Variants in DPP10 observed in about 807,000 individuals in gnomAD.
DPP10 encodes dipeptidyl peptidase like 10.
In DPP10, 33 loss-of-function variants were observed where a neutral mutation model predicts 120.9. That is an observed-to-expected ratio of 0.27 (90% confidence interval 0.21 to 0.37). The LOEUF (loss-of-function observed/expected upper bound fraction) is 0.37, where lower values mean the gene tolerates loss of function less well. DPP10 is among the 10% of genes least tolerant of loss of function. The pLI is 1.00. For synonymous variants in DPP10, 337 were observed against 326.1 expected (o/e 1.03, Z -0.36); for missense variants, 816 against 942.8 (o/e 0.87, Z 1.76).
At chr2:115,015,545 G>A (rs752046635) in intron 1 of DPP10, among the ~76,000 whole-genome samples, 1 of 152,150 alleles carries the variant, frequency 6.6e-6, no homozygotes, top group Non-Finnish European at 1.5e-5. Context: ...CAAATAGGAA[G>A]AGAGGAGGTC....
chr2:115,563,107 C>T (rs1186665717), intron 5 of DPP10, among the ~76,000 whole-genome samples: 1 of 152,124 alleles, frequency 6.6e-6, no homozygotes, highest in Non-Finnish European at 1.5e-5. Context: ...AGTATGAAAA[C>T]AAAACAATCA....
intron 1 of DPP10, among the ~76,000 whole-genome samples, chr2:114,709,418 T>G (rs1474375849): frequency 1.3e-5 from 2 of 152,218 alleles, no homozygotes; most frequent in African/African-American, 4.8e-5. Flanking sequence ...TAATTCCCTG[T>G]GTAAAAAATG....
intron 1 of DPP10, among the ~76,000 whole-genome samples, chr2:114,906,684 C>A (rs182700576): frequency 6.6e-5 from 10 of 152,184 alleles, no homozygotes; most frequent in Admixed American, 2.6e-4. Context: ...GTTGAACCAA[C>A]CTTGCATCCT....
chr2:114,901,809 A>G (rs531113124), intron 1 of DPP10, among the ~76,000 whole-genome samples: 77 of 152,294 alleles, frequency 5.1e-4, no homozygotes, highest in Middle Eastern at 3.4e-3. Flanking sequence ...TCTTTCTTCA[A>G]ATAATAATAA....
intron 1 of DPP10, among the ~76,000 whole-genome samples, chr2:115,063,983 A>G (rs1251580326): frequency 1.3e-5 from 2 of 152,098 alleles, no homozygotes; most frequent in Non-Finnish European, 2.9e-5. Context: ...TGGGTTTCAC[A>G]GTGTTGGTTC....
chr2:115,378,352 T>C (rs2065983474), intron 3 of DPP10, among the ~76,000 whole-genome samples: 1 of 59,910 alleles, frequency 1.7e-5, no homozygotes, highest in African/African-American at 3.1e-5. Flanking sequence ...TGGCTCTCTG[T>C]TTGTCTGTTG....
intron 21 of DPP10, among the ~76,000 whole-genome samples, chr2:115,834,809 G>A (rs866300906): frequency 2.6e-5 from 4 of 152,120 alleles, no homozygotes; most frequent in South Asian, 2.1e-4. Flanking sequence ...AAAACAAGCC[G>A]GGCGCGGTGG....
At position 115,789,795 on chromosome 2, in the gene DPP10, A is replaced by G. The variant is rs939805154; in HGVS notation, c.1532-1286A>G. Among the ~76,000 whole-genome samples the G allele has an allele frequency of 2.6e-5, 4 of 152,224 alleles. No individual in the cohort carries two copies. The South Asian group carries it at 8.3e-4, about 31-fold the overall frequency. On this transcript the variant is annotated intron_variant, in intron 17 of 25. Coordinates refer to ENST00000410059, the MANE Select transcript of DPP10 (RefSeq NM_020868.6). ...TCTGTAGGCCAATACACAAAATTCA[A>G]CCATTTCATCAATGAAAATGCAAGA...
At chr2:115,271,783 G>T (rs34981498) in intron 1 of DPP10, among the ~76,000 whole-genome samples, 1 of 152,118 alleles carries the variant, frequency 6.6e-6, no homozygotes, top group African/African-American at 2.4e-5. Context: ...AATTCATAGT[G>T]TAGGTATTTT....
intron 1 of DPP10, among the ~76,000 whole-genome samples, chr2:114,455,656 T>A (rs958532855): frequency 6.6e-6 from 1 of 152,270 alleles, no homozygotes; most frequent in Admixed American, 6.5e-5. Flanking sequence ...AGTTACTTTT[T>A]TCCATAATAA....
intron 1 of DPP10, among the ~76,000 whole-genome samples, chr2:114,800,634 G>C (rs1277381955): frequency 1.3e-5 from 2 of 152,184 alleles, no homozygotes; most frequent in East Asian, 3.9e-4. Context: ...TGTTCTTCTA[G>C]AGAGAATGTG....
intron 17 of DPP10, among the ~76,000 whole-genome samples, chr2:115,785,896 T>C (rs143009379): frequency 2.6e-5 from 4 of 151,972 alleles, no homozygotes; most frequent in African/African-American, 9.6e-5. Flanking sequence ...GTTTTTCTAG[T>C]TTCTCTGAGT....
At chr2:115,565,317 C>T (rs2080931907) in intron 5 of DPP10, among the ~76,000 whole-genome samples, 2 of 152,196 alleles carry the variant, frequency 1.3e-5, no homozygotes, top group African/African-American at 2.4e-5. Flanking sequence ...TGTACATACA[C>T]ATTTACATAC....
chr2:114,800,815 C>T (rs1181355231), intron 1 of DPP10, among the ~76,000 whole-genome samples: 3 of 152,076 alleles, frequency 2.0e-5, no homozygotes, highest in African/African-American at 7.2e-5. Flanking sequence ...AAGCTACTGC[C>T]CTTGGTTAAC....
At chr2:115,067,926 G>A (rs1330323236) in intron 1 of DPP10, among the ~76,000 whole-genome samples, 1 of 144,006 alleles carries the variant, frequency 6.9e-6, no homozygotes, top group Non-Finnish European at 1.5e-5. Context: ...GGGGTGTGTG[G>A]GGGTGTGTGT....
chr2:115,185,171 T>C (rs1034729947), intron 1 of DPP10, among the ~76,000 whole-genome samples: 1 of 152,142 alleles, frequency 6.6e-6, no homozygotes, highest in African/African-American at 2.4e-5. Flanking sequence ...AAATATTCCA[T>C]GCTTAAAACG....
intron 1 of DPP10, among the ~76,000 whole-genome samples, chr2:115,009,586 G>GA (rs112056191): frequency 0.044 from 5,611 of 126,612 alleles, 142 homozygotes; most frequent in Middle Eastern, 0.096. Flanking sequence ...AATAATAAAA[G>GA]AAAAAAAAAA....
At chr2:114,556,236 T>TAC (rs931895585) in intron 1 of DPP10, among the ~76,000 whole-genome samples, 3 of 46,032 alleles carry the variant, frequency 6.5e-5, no homozygotes, top group East Asian at 9.9e-4. Flanking sequence ...AGATGATACA[T>TAC]ATATATATAT....
chr2:114,990,414 TC>T (rs1700690710), intron 1 of DPP10, among the ~76,000 whole-genome samples: 2 of 150,870 alleles, frequency 1.3e-5, no homozygotes, highest in Non-Finnish European at 3.0e-5. Flanking sequence ...ATCTAATCTA[TC>T]TATCTATCTC....
Sources: gnomAD v4.1 joint callset for allele counts (sites outside exome capture counted in the v4.1 genomes callset) on GRCh38, gnomAD v4.1.1 for gene constraint, MANE v1.5 for transcripts, NCBI Gene and HGNC (gene_info 2026-07-23, HGNC 2026-07-21) for gene names.